The following CDH10 variants were observed in gnomAD, a reference collection of about 807,000 sequenced individuals.
CDH10 encodes cadherin 10, also known as cadherin-10.
In CDH10, 30 loss-of-function variants were observed where a neutral mutation model predicts 73.1. The ratio of observed to expected loss-of-function variants is 0.41; its 90% CI spans 0.31 to 0.56. The LOEUF (loss-of-function observed/expected upper bound fraction) is 0.56, where lower values mean the gene tolerates loss of function less well. CDH10 is among the 20% of genes least tolerant of loss of function. The pLI, the probability that CDH10 is intolerant of heterozygous loss-of-function variation, is 0.27. For missense variants in CDH10, 815 were observed against 973.7 expected (o/e 0.84, Z 2.17); for synonymous variants, 345 against 348.2 (o/e 0.99, Z 0.10).
chr5:24,581,532 C>T (rs1283371603), intron 2 of CDH10, among the ~76,000 whole-genome samples: 3 of 152,156 alleles, frequency 2.0e-5, no homozygotes, highest in African/African-American at 7.2e-5. Context: ...ACTAAAAATG[C>T]AAGCTTCGTG....
At chr5:24,528,870 G>A (rs982866410) in intron 5 of CDH10, among the ~76,000 whole-genome samples, 31 of 151,916 alleles carry the variant, frequency 2.0e-4, no homozygotes, top group Non-Finnish European at 1.2e-4. Flanking sequence ...ACCTGGATCC[G>A]CAACCTGCTT....
rs2111752366 is a variant in CDH10, at chr5:24,509,701, G to C, written c.1121C>G (p.Ser374Cys). Reference sequence around the variant, plus strand: ...AGGAGGTTCATCCACATCTTCTATAGAGATTTTCACTATGGTAGTATCTTT... The same window carrying C: ...AGGAGGTTCATCCACATCTTCTATACAGATTTTCACTATGGTAGTATCTTT... ...PFKDTTIVKI[S>C]IEDVDEPPVF... Residue 374 changes from serine to cysteine, a missense_variant, in exon 7 of 12, where the codon TCT becomes TGT. Ser to Cys is a moderately radical substitution (Grantham distance 112). Transcript: ENST00000264463. 6.2e-7 allele frequency: 1 copy of C among 1,613,718 alleles called. No homozygotes were observed. Among genetic ancestry groups the C allele is most frequent in the Non-Finnish European group, 8.5e-7 (1 of 1,179,630 alleles).
At chr5:24,543,423 G>A (rs1404564340) in intron 2 of CDH10, among the ~76,000 whole-genome samples, 1 of 152,052 alleles carries the variant, frequency 6.6e-6, no homozygotes, top group Non-Finnish European at 1.5e-5. Context: ...CAGTATCTGA[G>A]TCAAACAATT....
In CDH10 at chr5:24,593,542, T is replaced by C. The variant is rs1746274245; in HGVS notation, c.-52A>G. The C allele has an allele frequency of 9.6e-7, 1 of 1,038,796 alleles. No homozygotes were observed. Among genetic ancestry groups the C allele is most frequent in the Admixed American group, 1.9e-5 (1 of 54,040 alleles). 64.3% of individuals were successfully genotyped at this position (1,038,796 alleles called of 1,614,324 possible). A position where few individuals can be genotyped will look rare whatever the true frequency, so the allele number is the denominator to read the frequency against. ...TAGATGAAGAGAAGTGGTCCTATTT[T>C]ACCCAGTTGGTTTTACTGTGTTTCA... On this transcript the variant is annotated 5_prime_UTR_variant, in exon 2 of 12. Transcript: ENST00000264463.
chr5:24,511,520 A>C lies in CDH10; in HGVS notation c.815-6T>G. ...AACTCGAAGATGAATAGTGTCTGTA[A>C]AGTATAAAGAAAAGAAGAGAGAGAC... On this transcript the variant is annotated splice_polypyrimidine_tract_variant and splice_region_variant and intron_variant, in intron 5 of 11. Transcript: ENST00000264463. 7.2e-7 allele frequency: 1 copy of C among 1,396,004 alleles called. No homozygotes were observed. The highest frequency in any genetic ancestry group is 1.2e-5 in the South Asian group (1 of 85,790). The allele number at this position is 1,396,004 out of a possible 1,614,324, so 86.5% of individuals were successfully genotyped here.
chr5:24,529,081 C>T (rs573370465), intron 5 of CDH10, among the ~76,000 whole-genome samples: 1 of 152,070 alleles, frequency 6.6e-6, no homozygotes, highest in East Asian at 1.9e-4. Context: ...CAATATTTTA[C>T]AGTAGTATTT....
At chr5:24,636,155 TGTTA>T (rs1404839383) in intron 1 of CDH10, among the ~76,000 whole-genome samples, 3 of 152,002 alleles carry the variant, frequency 2.0e-5, no homozygotes, top group Non-Finnish European at 4.4e-5. Flanking sequence ...TAGGCATTGT[TGTTA>T]GACACTATAG....
chr5:24,570,603 C>A (rs1745340191), intron 2 of CDH10, among the ~76,000 whole-genome samples: 1 of 152,050 alleles, frequency 6.6e-6, no homozygotes, highest in South Asian at 2.1e-4. Context: ...AGGCTATATC[C>A]TGCAACACCC....
intron 1 of CDH10, among the ~76,000 whole-genome samples, chr5:24,605,525 G>A (rs1178075140): frequency 6.6e-6 from 1 of 152,228 alleles, no homozygotes; most frequent in Non-Finnish European, 1.5e-5. Context: ...CCCATCCATA[G>A]AAAAACTGTC....
intron 1 of CDH10, among the ~76,000 whole-genome samples, chr5:24,633,084 A>G (rs1028483680): frequency 2.0e-5 from 3 of 147,168 alleles, no homozygotes; most frequent in Non-Finnish European, 4.5e-5. Context: ...TTTTGATCAA[A>G]TTTATTCATG....
rs529795054 is a variant in CDH10 at position 24,532,554 on chromosome 5, C to T, written c.814+2558G>A. Among the ~76,000 whole-genome samples, 64 of 152,070 alleles carry T rather than the reference C, an allele frequency of 4.2e-4. No individual in the cohort carries two copies. In the East Asian group the frequency reaches 6.0e-3, roughly 14 times the overall value. ...GGCAGCCACTAGCCAAGCCACTAAC[C>T]GTCATATAGCTATGACTACAAATGT... On this transcript the variant is annotated intron_variant, in intron 5 of 11. Coordinates refer to ENST00000264463, the MANE Select transcript of CDH10 (RefSeq NM_006727.5).
intron 2 of CDH10, among the ~76,000 whole-genome samples, chr5:24,576,165 C>G (rs1033264676): frequency 6.6e-6 from 1 of 152,028 alleles, no homozygotes; most frequent in Non-Finnish European, 1.5e-5. Context: ...AATCTCTCAT[C>G]TGTATTTCTT....
chr5:24,579,263 A>G (rs1229955314), intron 2 of CDH10, among the ~76,000 whole-genome samples: 1 of 151,940 alleles, frequency 6.6e-6, no homozygotes, highest in Non-Finnish European at 1.5e-5. Flanking sequence ...CAGGAACAAA[A>G]TAAGAATTCT....
At chr5:24,641,721 A>T (rs1412901761) in intron 1 of CDH10, among the ~76,000 whole-genome samples, 1 of 152,038 alleles carries the variant, frequency 6.6e-6, no homozygotes, top group Non-Finnish European at 1.5e-5. Context: ...ATTGCTCAGT[A>T]TACGTTTAAG....
intron 1 of CDH10, among the ~76,000 whole-genome samples, chr5:24,643,531 G>A (rs1471965584): frequency 2.0e-5 from 3 of 149,510 alleles, no homozygotes; most frequent in Non-Finnish European, 3.0e-5. Context: ...GATCCTTCAA[G>A]AAAAAAAAAA....
chr5:24,506,938 T>C lies in CDH10; in HGVS notation c.1257-1690A>G, dbSNP rs138306054. On this transcript the variant is annotated intron_variant, in intron 7 of 11. Coordinates refer to ENST00000264463, the MANE Select transcript of CDH10 (RefSeq NM_006727.5). Reference sequence around the variant, plus strand: ...GAAGTAATGACAAAATTTTGAACATTATGTGGCATTATCTTGCAGATACAC... The same window carrying C: ...GAAGTAATGACAAAATTTTGAACATCATGTGGCATTATCTTGCAGATACAC... Among the ~76,000 whole-genome samples, 411 of 152,298 alleles carry C rather than the reference T, an allele frequency of 2.7e-3. 3 individuals carry two copies. Among genetic ancestry groups the C allele is most frequent in the Middle Eastern group, 0.02 (6 of 294 alleles).
chr5:24,515,456 G>A (rs1743073268), intron 5 of CDH10, among the ~76,000 whole-genome samples: 1 of 152,272 alleles, frequency 6.6e-6, no homozygotes, highest in South Asian at 2.1e-4. Flanking sequence ...GTATAGTGTG[G>A]TCAAAATTCA....
intron 1 of CDH10, among the ~76,000 whole-genome samples, chr5:24,611,301 T>C (rs1228490496): frequency 6.6e-6 from 1 of 152,084 alleles, no homozygotes; most frequent in Non-Finnish European, 1.5e-5. Context: ...TTTTTTAAAG[T>C]CTTGGCCTGA....
At chr5:24,554,773 T>TGC (rs1744707873) in intron 2 of CDH10, among the ~76,000 whole-genome samples, 1 of 152,134 alleles carries the variant, frequency 6.6e-6, no homozygotes. Flanking sequence ...CTCATAATAA[T>TGC]AATTATAGAA....
Sources: gnomAD v4.1 joint callset for allele counts (sites outside exome capture counted in the v4.1 genomes callset) on GRCh38, gnomAD v4.1.1 for gene constraint, MANE v1.5 for transcripts, NCBI Gene and HGNC (gene_info 2026-07-23, HGNC 2026-07-21) for gene names.